STON1: variants seen among roughly 807,000 people sequenced by gnomAD.
STON1 encodes the protein stonin-1.
STON1 carries 79 observed loss-of-function variants against 60.9 expected under a neutral mutation model. That is an observed-to-expected ratio of 1.30 (90% CI 1.08 to 1.56). STON1 has a LOEUF of 1.56. Ranked by LOEUF, STON1 falls within the 40% of genes most tolerant of loss-of-function variation. STON1 has a pLI of 0.00. For missense variants in STON1, 1,166 were observed against 858.9 expected, an observed-to-expected ratio of 1.36 and a Z score of -4.47; for synonymous variants, 363 against 306.9, an observed-to-expected ratio of 1.18 and a Z score of -1.91.
At chr2:48,578,079 A>G (rs1673622259) in intron 1 of STON1, among the ~76,000 whole-genome samples, 1 of 152,120 alleles carries the variant, frequency 6.6e-6, no homozygotes, top group Admixed American at 6.6e-5. Flanking sequence ...CTCCCAGGCA[A>G]TTCCCCTGCC....
At chr2:48,532,635 G>C (rs559568049) in intron 1 of STON1, among the ~76,000 whole-genome samples, 1 of 152,028 alleles carries the variant, frequency 6.6e-6, no homozygotes, top group Admixed American at 6.6e-5. Context: ...GCCTTGTCCA[G>C]CTTTTGCACT....
chr2:48,564,480 T>TTCTTCTTCC (rs1558604783), intron 1 of STON1, among the ~76,000 whole-genome samples: 5 of 32,480 alleles, frequency 1.5e-4, no homozygotes, highest in Admixed American at 2.9e-4. Flanking sequence ...CTTCTTCTTC[T>TTCTTCTTCC]TTCTTCTTCT....
chr2:48,544,053 C>G (rs1285967141), intron 1 of STON1, among the ~76,000 whole-genome samples: 1 of 152,144 alleles, frequency 6.6e-6, no homozygotes, highest in East Asian at 1.9e-4. Flanking sequence ...CTGCCTGTTT[C>G]ACAACAGTCA....
At chr2:48,586,921 C>T (rs1029391494) in intron 2 of STON1, among the ~76,000 whole-genome samples, 2 of 152,130 alleles carry the variant, frequency 1.3e-5, no homozygotes, top group African/African-American at 2.4e-5. Context: ...GACAGATTCT[C>T]TATGGGCATG....
At chr2:48,572,803 T>C (rs776430834) in intron 1 of STON1, among the ~76,000 whole-genome samples, 55 of 152,204 alleles carry the variant, frequency 3.6e-4, no homozygotes, top group Admixed American at 2.0e-4. Context: ...GATGGAGATA[T>C]AGTGCTGCTG....
rs746622291 is a variant in STON1 at position 48,581,859 on chromosome 2, A to G, written c.1226A>G (p.Asn409Ser). The G allele has an allele frequency of 6.2e-7, 1 of 1,614,200 alleles. No individual in the cohort carries two copies. Among genetic ancestry groups the G allele is most frequent in the Non-Finnish European group, 8.5e-7 (1 of 1,180,036 alleles). ...KLPAVSKPKK[N>S]YEEQEISLEI... ...CCAGCTGTTTCAAAACCAAAAAAGA[A>G]CTACGAGGAGCAAGAAATTTCCTTG... Residue 409 changes from asparagine to serine, a missense_variant, in exon 2 of 4, where the codon AAC (asparagine) becomes AGC (serine). Physicochemically the swap from Asn to Ser is conservative, Grantham distance 46 (BLOSUM62 1). Coordinates refer to ENST00000404752, the MANE Select transcript of STON1 (RefSeq NM_006873.4).
At chr2:48,575,676 A>G (rs567316788) in intron 1 of STON1, among the ~76,000 whole-genome samples, 34 of 151,832 alleles carry the variant, frequency 2.2e-4, no homozygotes, top group East Asian at 5.8e-4. Context: ...ATAAATAAAT[A>G]AATAAATAAA....
At chr2:48,572,464 G>A (rs1372827099) in intron 1 of STON1, among the ~76,000 whole-genome samples, 1 of 152,148 alleles carries the variant, frequency 6.6e-6, no homozygotes, top group African/African-American at 2.4e-5. Context: ...GGGTTTCAAG[G>A]TAGGAGATGT....
chr2:48,564,555 C>T (rs1314873409), intron 1 of STON1, among the ~76,000 whole-genome samples: 2 of 55,880 alleles, frequency 3.6e-5, no homozygotes, highest in East Asian at 4.2e-4. Flanking sequence ...TCTTCTTCTT[C>T]TTCTTCTTCT....
intron 1 of STON1, among the ~76,000 whole-genome samples, chr2:48,534,931 C>A (rs772839269): frequency 1.3e-5 from 2 of 152,220 alleles, no homozygotes; most frequent in Non-Finnish European, 2.9e-5. Context: ...CTCACCCCTT[C>A]CTTGCAAACC....
At position 48,596,072 on chromosome 2, in the gene STON1, G is replaced by T. The variant is rs1674771288; in HGVS notation, c.*770G>T. On this transcript the variant is annotated 3_prime_UTR_variant, in exon 4 of 4. Transcript: ENST00000404752. ...GTATTAGACACTAGTTAACATATTT[G>T]TGTATATTAAATATGAATTTTTAAA... The T allele has an allele frequency of 6.6e-6, 1 of 152,074 alleles. No individual in the cohort carries two copies. The allele number at this position is 152,074 out of a possible 1,614,324, so 9.4% of individuals were successfully genotyped here. A position where few individuals can be genotyped will look rare whatever the true frequency, so the allele number is the denominator to read the frequency against.
At chr2:48,590,667 A>C (rs1674462548) in intron 2 of STON1, among the ~76,000 whole-genome samples, 1 of 152,006 alleles carries the variant, frequency 6.6e-6, no homozygotes. Flanking sequence ...ACACTATATG[A>C]CCCCCATCTA....
chr2:48,581,505 C>G lies in STON1; in HGVS notation c.872C>G (p.Ser291Cys). 6.2e-7 allele frequency: 1 copy of G among 1,614,198 alleles called. No individual in the cohort carries two copies. The highest frequency in any genetic ancestry group is 1.1e-5 in the South Asian group (1 of 91,084). ...CCTGAGAAGAAGAATATGATGTCTT[C>G]CCGGCAATGGGGACCAATTTTTCTG... Reference protein sequence around the residue: ...RIPEKKNMMSSRQWGPIFLKV... With the variant: ...RIPEKKNMMSCRQWGPIFLKV... The change falls in exon 2 of 4, where the codon TCC becomes TGC. Residue 291 changes from serine to cysteine, a missense_variant. Coordinates refer to ENST00000404752, the MANE Select transcript of STON1 (RefSeq NM_006873.4).
chr2:48,555,472 C>G (rs552421481), intron 1 of STON1, among the ~76,000 whole-genome samples: 3 of 98,026 alleles, frequency 3.1e-5, no homozygotes, highest in African/African-American at 3.9e-5. Flanking sequence ...ACCTCCCTCC[C>G]GGACGGGGCG....
rs1210772363 is a variant in STON1, at chr2:48,530,216, G to A, written c.-48G>A. 5.1e-6 allele frequency: 2 copies of A among 394,372 alleles called. No homozygotes were observed. The highest frequency in any genetic ancestry group is 2.1e-5 in the African/African-American group (1 of 46,854). 24.4% of individuals were successfully genotyped at this position (394,372 alleles called of 1,614,324 possible). On this transcript the variant is annotated splice_region_variant and 5_prime_UTR_variant, in exon 1 of 4. Coordinates refer to ENST00000404752, the MANE Select transcript of STON1 (RefSeq NM_006873.4). ...GAATCGGAGCCCCAACCGCGCTGCC[G>A]GTGAGTGACCAGCCCCAGGGGACAG... is the stretch of plus-strand genomic sequence containing the variant.
chr2:48,589,917 G>A (rs910499155), intron 2 of STON1, among the ~76,000 whole-genome samples: 2 of 152,180 alleles, frequency 1.3e-5, no homozygotes, highest in African/African-American at 4.8e-5. Context: ...CCCCAGTGCT[G>A]TATGCATATG....
At chr2:48,578,053 T>C (rs754115284) in intron 1 of STON1, among the ~76,000 whole-genome samples, 127 of 152,338 alleles carry the variant, frequency 8.3e-4, no homozygotes, top group Admixed American at 1.4e-3. Context: ...CAACCTTGGC[T>C]TACTGCAACC....
intron 2 of STON1, among the ~76,000 whole-genome samples, chr2:48,586,401 T>G (rs1175644099): frequency 6.6e-6 from 1 of 152,132 alleles, no homozygotes; most frequent in African/African-American, 2.4e-5. Context: ...TGAGACAGAC[T>G]CTGAAGCAGC....
At chr2:48,592,610 T>G (rs959673009) in intron 3 of STON1, among the ~76,000 whole-genome samples, 7 of 146,998 alleles carry the variant, frequency 4.8e-5, no homozygotes, top group African/African-American at 1.5e-4. Flanking sequence ...ATTATTATTA[T>G]TATTATTATT....
Sources: gnomAD v4.1 joint callset for allele counts (sites outside exome capture counted in the v4.1 genomes callset) on GRCh38, gnomAD v4.1.1 for gene constraint, MANE v1.5 for transcripts, NCBI Gene and HGNC (gene_info 2026-07-23, HGNC 2026-07-21) for gene names.